The following KPNA6 variants were observed in gnomAD, a reference collection of about 807,000 sequenced individuals.
The protein encoded by KPNA6 is karyopherin subunit alpha 6.
In KPNA6, 9 loss-of-function variants were observed where a neutral mutation model predicts 72.0. The observed-to-expected ratio is 0.13, with a 90% CI of 0.08 to 0.22. The LOEUF (loss-of-function observed/expected upper bound fraction) is 0.22. Ranked by LOEUF, KPNA6 falls within the 10% of genes least tolerant of loss-of-function variation. The pLI is 1.00. For missense variants in KPNA6, 374 were observed against 655.7 expected (o/e 0.57, Z 4.69); for synonymous variants, 219 against 242.1 (o/e 0.90, Z 0.89).
At chr1:32,114,044 G>A (rs1641285246) in intron 1 of KPNA6, among the ~76,000 whole-genome samples, 1 of 152,030 alleles carries the variant, frequency 6.6e-6, no homozygotes, top group Non-Finnish European at 1.5e-5. Flanking sequence ...CTTATGAATC[G>A]TGAATGTTTT....
At position 32,165,095 on chromosome 1, in the gene KPNA6, C is replaced by G. The variant is rs532504561; in HGVS notation, c.991-1010C>G. On this transcript the variant is annotated intron_variant, in intron 10 of 13. Coordinates refer to ENST00000373625, the MANE Select transcript of KPNA6 (RefSeq NM_012316.5). ...TTGAATTTGTTTTTTTTTGGAGAGA[C>G]AGGGTTTTACCATGTTGCCCAGGCT... Among the ~76,000 whole-genome samples the G allele has an allele frequency of 2.4e-4, 36 of 151,976 alleles. No homozygotes were observed. The South Asian group carries it at 7.5e-3, about 32-fold the overall frequency.
chr1:32,121,928 G>A (rs961377889), intron 1 of KPNA6, among the ~76,000 whole-genome samples: 9 of 151,384 alleles, frequency 5.9e-5, no homozygotes, highest in Admixed American at 4.6e-4. Flanking sequence ...AACTGAGATC[G>A]TGCCACTGCC....
At chr1:32,121,161 T>A (rs943046262) in intron 1 of KPNA6, among the ~76,000 whole-genome samples, 6 of 152,156 alleles carry the variant, frequency 3.9e-5, no homozygotes, top group African/African-American at 1.4e-4. Context: ...CGTAAGCTAC[T>A]GCTCCTGGCC....
chr1:32,156,836 T>C lies in KPNA6; in HGVS notation c.139-17T>C. ...TGGTTCAGAGAGTACTCTTAACCACTGTCTCTTTACTTTCAGCTTTTTAAA... is the reference window on the plus strand; with the variant it reads ...TGGTTCAGAGAGTACTCTTAACCACCGTCTCTTTACTTTCAGCTTTTTAAA... On this transcript the variant is annotated splice_polypyrimidine_tract_variant and intron_variant, in intron 2 of 13. Coordinates refer to ENST00000373625, the MANE Select transcript of KPNA6 (RefSeq NM_012316.5). The C allele has an allele frequency of 1.9e-6, 3 of 1,596,548 alleles. No homozygotes were observed. The highest frequency in any genetic ancestry group is 2.6e-6 in the Non-Finnish European group (3 of 1,164,302).
At position 32,175,902 on chromosome 1, in the gene KPNA6, A is replaced by G. The variant is rs1642519305; in HGVS notation, c.*5008A>G. ...CACTTGAGGTTAGGGGTTCAAAACCAGCCTGACCAACATAGTAAAACCCCG... is the reference window on the plus strand; with the variant it reads ...CACTTGAGGTTAGGGGTTCAAAACCGGCCTGACCAACATAGTAAAACCCCG... On this transcript the variant is annotated 3_prime_UTR_variant, in exon 14 of 14. Transcript: ENST00000373625. 1.3e-5 allele frequency: 2 copies of G among 152,000 alleles called. No individual in the cohort carries two copies. Among genetic ancestry groups the G allele is most frequent in the South Asian group, 4.2e-4 (2 of 4,814 alleles). 9.4% of individuals were successfully genotyped at this position (152,000 alleles called of 1,614,324 possible). A position where few individuals can be genotyped will look rare whatever the true frequency, so the allele number is the denominator to read the frequency against.
At chr1:32,164,058 C>T (rs972144958) in intron 10 of KPNA6, among the ~76,000 whole-genome samples, 3 of 152,192 alleles carry the variant, frequency 2.0e-5, no homozygotes, top group African/African-American at 7.2e-5. Context: ...CAGTAACTCC[C>T]CATTCTCCCT....
rs187064810 is a variant in KPNA6 at position 32,171,038 on chromosome 1, G to T, written c.*144G>T. On this transcript the variant is annotated 3_prime_UTR_variant, in exon 14 of 14. Coordinates refer to ENST00000373625, the MANE Select transcript of KPNA6 (RefSeq NM_012316.5). ...GGAGACTGTGCTCTTGACCTGCTCC[G>T]CCCCCTTCCCTGGAGGGAGCACCCT... is the stretch of plus-strand genomic sequence containing the variant. The T allele has an allele frequency of 1.4e-6, 1 of 693,122 alleles. No homozygotes were observed. Among genetic ancestry groups the T allele is most frequent in the East Asian group, 2.7e-5 (1 of 36,730 alleles). The allele number at this position is 693,122 out of a possible 1,614,324, so 42.9% of individuals were successfully genotyped here.
In KPNA6 at chr1:32,170,790, G is replaced by T; in HGVS notation, c.1507G>T (p.Gly503Cys). The stretch of plus-strand genomic sequence containing the variant: ...CTTCGACCTCATTGAGCACTACTTT[G>T]GTGTAGAAGACGATGATAGCAGCCT... The part of the protein sequence containing the change: ...KAFDLIEHYF[G>C]VEDDDSSLAP... The change falls in exon 14 of 14, where the codon GGT becomes TGT. Residue 503 changes from glycine (G) to cysteine (C), a missense_variant. By Grantham distance (159) the Gly-to-Cys change is radical. Coordinates refer to ENST00000373625, the MANE Select transcript of KPNA6 (RefSeq NM_012316.5). The T allele has an allele frequency of 6.2e-7, 1 of 1,614,156 alleles. No homozygotes were observed. The highest frequency in any genetic ancestry group is 1.1e-5 in the South Asian group (1 of 91,076).
chr1:32,113,904 A>T (rs763600799), intron 1 of KPNA6, among the ~76,000 whole-genome samples: 1 of 152,034 alleles, frequency 6.6e-6, no homozygotes. Context: ...TCACATTTTC[A>T]CTTCTAGTTA....
intron 6 of KPNA6, among the ~76,000 whole-genome samples, chr1:32,159,967 G>A (rs1642207555): frequency 6.6e-6 from 1 of 152,226 alleles, no homozygotes; most frequent in Admixed American, 6.5e-5. Flanking sequence ...GAGAGTGGTA[G>A]TGGGCTCTTT....
At chr1:32,125,900 A>C (rs1188454288) in intron 1 of KPNA6, among the ~76,000 whole-genome samples, 1 of 149,528 alleles carries the variant, frequency 6.7e-6, no homozygotes, top group African/African-American at 2.5e-5. Flanking sequence ...ATTAATTGAG[A>C]TTATATATAT....
intron 1 of KPNA6, among the ~76,000 whole-genome samples, chr1:32,132,859 C>T (rs537418858): frequency 4.5e-4 from 69 of 152,100 alleles, no homozygotes; most frequent in Admixed American, 2.4e-3. Context: ...GCCAAGATGG[C>T]GCCACTGCAC....
chr1:32,154,808 G>A (rs1642107279), intron 2 of KPNA6, 87 bp downstream of exon 2: 2 of 1,414,216 alleles, frequency 1.4e-6, no homozygotes, highest in African/African-American at 1.4e-5. Context: ...GACTTGCCCT[G>A]TAGAAAAGTA....
At chr1:32,118,197 T>G (rs58632779) in intron 1 of KPNA6, among the ~76,000 whole-genome samples, 1 of 152,106 alleles carries the variant, frequency 6.6e-6, no homozygotes, top group Non-Finnish European at 1.5e-5. Flanking sequence ...GTGCTGAGAT[T>G]ATAGACGTGA....
intron 1 of KPNA6, among the ~76,000 whole-genome samples, chr1:32,114,018 TATG>T (rs1036968249): frequency 1.3e-5 from 2 of 152,164 alleles, no homozygotes; most frequent in African/African-American, 4.8e-5. Flanking sequence ...AACTCTTATT[TATG>T]ATATTTTGAC....
chr1:32,173,143 C>T lies in KPNA6; in HGVS notation c.*2249C>T. Reference sequence around the variant, plus strand: ...AATCTTTTTTTCACTTGGCCTGCTACCTCCATTAAAAAACCATTCTCTTAC... The same window carrying T: ...AATCTTTTTTTCACTTGGCCTGCTATCTCCATTAAAAAACCATTCTCTTAC... On this transcript the variant is annotated 3_prime_UTR_variant, in exon 14 of 14. Transcript: ENST00000373625. 1 of 389,412 alleles carries T rather than the reference C, an allele frequency of 2.6e-6. No individual in the cohort carries two copies. The allele number at this position is 389,412 out of a possible 1,614,324, so 24.1% of individuals were successfully genotyped here. A position where few individuals can be genotyped will look rare whatever the true frequency, so the allele number is the denominator to read the frequency against.
intron 11 of KPNA6, among the ~76,000 whole-genome samples, chr1:32,166,549 C>A (rs751673953): frequency 2.8e-5 from 4 of 144,028 alleles, no homozygotes; most frequent in African/African-American, 1.0e-4. Context: ...TGCTTGAACC[C>A]GAGAGGCAAA....
intron 1 of KPNA6, among the ~76,000 whole-genome samples, chr1:32,131,655 TACAC>T (rs753513296): frequency 6.6e-6 from 1 of 151,296 alleles, no homozygotes; most frequent in African/African-American, 2.4e-5. Flanking sequence ...TATATATATA[TACAC>T]ACACAACAAA....
rs569728678 is a variant in KPNA6, at chr1:32,135,341, A to G, written c.5-19247A>G. ...CTCAGCCTCCCAAAGTTCTGGGATT[A>G]CATGTGTGAGCCACCGCGCCTGGCC... On this transcript the variant is annotated intron_variant, in intron 1 of 13. Coordinates refer to ENST00000373625, the MANE Select transcript of KPNA6 (RefSeq NM_012316.5). Among the ~76,000 whole-genome samples, 87 of 152,262 alleles carry G rather than the reference A, an allele frequency of 5.7e-4. 1 individual carries two copies. In the South Asian group the frequency reaches 0.018, roughly 31 times the overall value.
Sources: allele counts gnomAD v4.1 joint callset (sites outside exome capture counted in the v4.1 genomes callset), GRCh38; gene constraint gnomAD v4.1.1; transcripts MANE v1.5; gene names NCBI Gene and HGNC (gene_info 2026-07-23, HGNC 2026-07-21).